Variants in PACRG observed in about 807,000 individuals in gnomAD.
PACRG encodes parkin coregulated.
PACRG carries 29 observed loss-of-function variants against 29.7 expected under a neutral mutation model. That is an observed-to-expected ratio of 0.98 (90% CI 0.73 to 1.33). The LOEUF is 1.33. Among genes scored for constraint, PACRG ranks in the 40% most tolerant of loss-of-function variants. The pLI is 0.00. For synonymous variants in PACRG, 116 were observed against 118.7 expected, an observed-to-expected ratio of 0.98 and a Z score of 0.15; for missense variants, 279 against 316.2, an observed-to-expected ratio of 0.88 and a Z score of 0.89.
At chr6:162,804,299 A>G (rs1376923020) in intron 1 of PACRG, among the ~76,000 whole-genome samples, 1 of 152,168 alleles carries the variant, frequency 6.6e-6, no homozygotes, top group African/African-American at 2.4e-5. Flanking sequence ...CTCTGCCTGT[A>G]GCTCTCCTCA....
chr6:163,263,161 C>T (rs891452094), intron 4 of PACRG, among the ~76,000 whole-genome samples: 1 of 71,286 alleles, frequency 1.4e-5, no homozygotes, highest in African/African-American at 5.4e-5. Context: ...AGGTATCTTA[C>T]AGACCCCAGG....
At chr6:162,887,717 C>A (rs1424386089) in intron 2 of PACRG, among the ~76,000 whole-genome samples, 1 of 152,146 alleles carries the variant, frequency 6.6e-6, no homozygotes, top group Non-Finnish European at 1.5e-5. Flanking sequence ...TGACCTCGCC[C>A]TGCCTCCGTC....
chr6:163,223,423 A>G (rs536048817), intron 4 of PACRG, among the ~76,000 whole-genome samples: 8 of 152,130 alleles, frequency 5.3e-5, no homozygotes, highest in Non-Finnish European at 1.2e-4. Flanking sequence ...ATAAAAGAAT[A>G]TTAAGGATAA....
At chr6:162,845,134 ATAGT>A (rs147585488) in intron 2 of PACRG, among the ~76,000 whole-genome samples, 5,189 of 152,290 alleles carry the variant, frequency 0.034, 290 homozygotes, top group African/African-American at 0.12. Context: ...ACAATAGGTA[ATAGT>A]TAATTAAATA....
chr6:162,941,755 A>G (rs1798647766), intron 2 of PACRG, among the ~76,000 whole-genome samples: 1 of 152,224 alleles, frequency 6.6e-6, no homozygotes, highest in Non-Finnish European at 1.5e-5. Flanking sequence ...ATAATTTGTT[A>G]ATTAAAAACT....
In PACRG at chr6:163,155,303, G is replaced by A. The variant is rs918937408; in HGVS notation, c.613+65895G>A. ...GATGAGGCCAGTGAAGAGGAGGCTCGTCCCTCCATGAAGCTGGGAGGGTCA... is the reference window on the plus strand; with the variant it reads ...GATGAGGCCAGTGAAGAGGAGGCTCATCCCTCCATGAAGCTGGGAGGGTCA... On this transcript the variant is annotated intron_variant, in intron 4 of 4. Coordinates refer to ENST00000366888, the MANE Select transcript of PACRG (RefSeq NM_001080379.2). Among the ~76,000 whole-genome samples the A allele has an allele frequency of 3.9e-5, 6 of 152,324 alleles. No individual in the cohort carries two copies. In the East Asian group the frequency reaches 5.8e-4, roughly 15 times the overall value.
At chr6:162,741,926 C>A (rs979756553) in intron 1 of PACRG, among the ~76,000 whole-genome samples, 1 of 152,178 alleles carries the variant, frequency 6.6e-6, no homozygotes, top group Non-Finnish European at 1.5e-5. Flanking sequence ...ACAGTTAAAT[C>A]TACTCTCAGT....
chr6:163,198,682 A>T (rs1780576100), intron 4 of PACRG, among the ~76,000 whole-genome samples: 1 of 152,202 alleles, frequency 6.6e-6, no homozygotes, highest in Non-Finnish European at 1.5e-5. Flanking sequence ...TTTGATAATA[A>T]TAAGGGCTTA....
chr6:163,101,043 T>G, intron 4 of PACRG: 3 of 982,194 alleles, frequency 3.1e-6, no homozygotes, highest in Non-Finnish European at 3.6e-6. Context: ...TGAGCTTTAG[T>G]GAGCATATTT....
In PACRG at chr6:163,035,294, C is replaced by G. The variant is rs528958209; in HGVS notation, c.292-26856C>G. On this transcript the variant is annotated intron_variant, in intron 2 of 4. Transcript: ENST00000366888. ...TTGGGCGGCTGTGGCAGGTAGATCA[C>G]CTAAGGTCAGGAGTTCCAGACCAGC... 1.2e-4 allele frequency among the ~76,000 whole-genome samples: 18 copies of G among 152,232 alleles called. No homozygotes were observed. In the South Asian group the frequency reaches 3.3e-3, roughly 28 times the overall value.
At chr6:162,984,752 A>G (rs1436532117) in intron 2 of PACRG, among the ~76,000 whole-genome samples, 3 of 151,950 alleles carry the variant, frequency 2.0e-5, no homozygotes, top group Non-Finnish European at 1.5e-5. Context: ...GCATTTCCAC[A>G]ATATTAGTGA....
At chr6:162,863,206 C>A (rs1249198056) in intron 2 of PACRG, among the ~76,000 whole-genome samples, 2 of 152,162 alleles carry the variant, frequency 1.3e-5, no homozygotes, top group Non-Finnish European at 2.9e-5. Flanking sequence ...GCTATGTGCT[C>A]TACTGGTATT....
At chr6:162,964,881 G>A (rs1464623082) in intron 2 of PACRG, among the ~76,000 whole-genome samples, 1 of 152,184 alleles carries the variant, frequency 6.6e-6, no homozygotes, top group South Asian at 2.1e-4. Context: ...TTTCAAGGAG[G>A]CTTCCTCTGG....
chr6:163,005,207 GCC>G (rs1804956372), intron 2 of PACRG, among the ~76,000 whole-genome samples: 1 of 151,766 alleles, frequency 6.6e-6, no homozygotes, highest in Admixed American at 6.6e-5. Flanking sequence ...GATCATTTTT[GCC>G]AGAGGTTTAT....
Position 162,760,759 on chromosome 6 carries a change from C to T in PACRG, c.156+32368C>T, listed in dbSNP as rs75577143. ...TTTACCTCTTTTTCCCCAGGTGGGA[C>T]GGGCCGTTGAAGGATTTTAGGGTGG... On this transcript the variant is annotated intron_variant, in intron 1 of 4. Transcript: ENST00000366888. Among the ~76,000 whole-genome samples, 116 of 152,062 alleles carry T rather than the reference C, an allele frequency of 7.6e-4. 1 individual carries two copies. The East Asian group carries it at 0.013, about 17-fold the overall frequency.
intron 1 of PACRG, among the ~76,000 whole-genome samples, chr6:162,731,184 C>T (rs1172937483): frequency 6.6e-6 from 1 of 152,004 alleles, no homozygotes; most frequent in African/African-American, 2.4e-5. Flanking sequence ...CTGAAGTGGT[C>T]CAAAATACAA....
chr6:163,045,344 A>C (rs1326662439), intron 2 of PACRG, among the ~76,000 whole-genome samples: 12 of 152,174 alleles, frequency 7.9e-5, no homozygotes, highest in Non-Finnish European at 5.9e-5. Flanking sequence ...GGGTAACAGG[A>C]GGGAATCAAT....
At chr6:162,902,275 G>A (rs556706088) in intron 2 of PACRG, among the ~76,000 whole-genome samples, 51 of 152,308 alleles carry the variant, frequency 3.3e-4, no homozygotes, top group African/African-American at 1.0e-3. Flanking sequence ...GAAAATAACT[G>A]TTAAGTAGGA....
chr6:163,037,232 A>T (rs1808285497), intron 2 of PACRG, among the ~76,000 whole-genome samples: 1 of 152,038 alleles, frequency 6.6e-6, no homozygotes, highest in East Asian at 1.9e-4. Flanking sequence ...CACTTCCCTT[A>T]CTCCCTTCTC....
Sources: gnomAD v4.1 joint callset for allele counts (sites outside exome capture counted in the v4.1 genomes callset) on GRCh38, gnomAD v4.1.1 for gene constraint, MANE v1.5 for transcripts, NCBI Gene and HGNC (gene_info 2026-07-23, HGNC 2026-07-21) for gene names.